The following SASH1 variants were observed in gnomAD, a reference collection of about 807,000 sequenced individuals.
SASH1 encodes SAM and SH3 domain-containing protein 1.
A neutral mutation model predicts 125.2 loss-of-function variants in SASH1; 44 were observed. The ratio of observed to expected loss-of-function variants is 0.35; its 90% CI spans 0.28 to 0.45. The LOEUF (loss-of-function observed/expected upper bound fraction) is 0.45, where lower values mean the gene tolerates loss of function less well. SASH1 is among the 20% of genes least tolerant of loss of function. The pLI is 1.00. For synonymous variants in SASH1, 639 were observed against 649.1 expected (o/e 0.98, Z 0.24); for missense variants, 1,426 against 1,614.5 (o/e 0.88, Z 2.00).
At chr6:148,207,070 C>G in the SASH1 span, among the ~76,000 whole-genome samples, 1 of 152,142 alleles carries the variant, frequency 6.6e-6, no homozygotes, top group Admixed American at 6.6e-5. Context: ...GCCAACCAGA[C>G]CTTCCCAACC....
intron 1 of SASH1, among the ~76,000 whole-genome samples, chr6:148,361,003 A>G (rs1338445685): frequency 6.6e-6 from 1 of 152,218 alleles, no homozygotes; most frequent in Non-Finnish European, 1.5e-5. Context: ...ACTGGGACAC[A>G]GACACAGATG....
At chr6:148,236,974 C>T in the SASH1 span, among the ~76,000 whole-genome samples, 1 of 152,192 alleles carries the variant, frequency 6.6e-6, no homozygotes, top group Non-Finnish European at 1.5e-5. Flanking sequence ...GGCCCTTCCA[C>T]CATGCTATGA....
intron 1 of SASH1, among the ~76,000 whole-genome samples, chr6:148,296,917 T>C (rs562061247): frequency 6.6e-6 from 1 of 152,378 alleles, no homozygotes; most frequent in Admixed American, 6.5e-5. Context: ...GCACACATTT[T>C]CATGCTTGTG....
At chr6:148,409,922 G>C (rs888415025) in intron 2 of SASH1, among the ~76,000 whole-genome samples, 1 of 151,806 alleles carries the variant, frequency 6.6e-6, no homozygotes. Context: ...CTGGGCAACA[G>C]AGCAAGACTC....
At chr6:148,381,617 C>CTTTTTTTTTTTTTTTTTTTT (rs201145545) in intron 1 of SASH1, among the ~76,000 whole-genome samples, 2 of 77,894 alleles carry the variant, frequency 2.6e-5, no homozygotes, top group African/African-American at 5.2e-5. Flanking sequence ...TTCTTGCTTT[C>CTTTTTTTTTTTTTTTTTTTT]TTTTTTTTTT....
intron 2 of SASH1, among the ~76,000 whole-genome samples, chr6:148,437,431 A>G (rs570706698): frequency 3.3e-5 from 5 of 152,374 alleles, no homozygotes; most frequent in Admixed American, 1.3e-4. Flanking sequence ...AAATATCACT[A>G]TACAAGATCT....
intron 2 of SASH1, among the ~76,000 whole-genome samples, chr6:148,421,015 C>T (rs1338070448): frequency 3.3e-5 from 5 of 151,266 alleles, no homozygotes; most frequent in African/African-American, 4.9e-5. Context: ...ACCTGGGAGG[C>T]GGAGGTTGTG....
intron 7 of SASH1, chr6:148,480,419 C>T (rs567920997): frequency 6.6e-6 from 1 of 151,838 alleles, no homozygotes; most frequent in East Asian, 1.9e-4. Flanking sequence ...TTGAGAATGG[C>T]TAAACTGCCT....
chr6:148,204,517 C>T, the SASH1 span, among the ~76,000 whole-genome samples: 1 of 152,024 alleles, frequency 6.6e-6, no homozygotes, highest in Non-Finnish European at 1.5e-5. Context: ...TGTAGTGAAA[C>T]CCCATTTCTA....
intron 1 of SASH1, 133 bp from the exon 2 acceptor site, chr6:148,390,001 A>G: frequency 9.7e-7 from 1 of 1,035,670 alleles, no homozygotes; most frequent in Non-Finnish European, 1.4e-6. Context: ...CATGTAAAAC[A>G]ACCTGGCACT....
chr6:148,385,620 G>A (rs533949384), intron 1 of SASH1, among the ~76,000 whole-genome samples: 8 of 152,288 alleles, frequency 5.3e-5, no homozygotes, highest in African/African-American at 1.7e-4. Flanking sequence ...AACCTCTGGG[G>A]AGGGGAGAGG....
At chr6:148,227,321 A>G in the SASH1 span, among the ~76,000 whole-genome samples, 3 of 152,304 alleles carry the variant, frequency 2.0e-5, no homozygotes, top group East Asian at 5.8e-4. Context: ...AGAACAGTTT[A>G]ATCAGCATAT....
intron 4 of SASH1, among the ~76,000 whole-genome samples, chr6:148,444,574 T>A (rs985654926): frequency 6.6e-6 from 1 of 152,224 alleles, no homozygotes; most frequent in Non-Finnish European, 1.5e-5. Context: ...CCATTCATCC[T>A]TATTTTCTTA....
intron 2 of SASH1, 64 bp from the exon 3 acceptor site, chr6:148,440,120 A>G: frequency 6.7e-7 from 1 of 1,483,076 alleles, no homozygotes; most frequent in East Asian, 2.3e-5. Flanking sequence ...TTACATGTCT[A>G]TTTGTCTTTC....
At chr6:148,212,253 CTG>C in the SASH1 span, among the ~76,000 whole-genome samples, 1 of 152,150 alleles carries the variant, frequency 6.6e-6, no homozygotes, top group African/African-American at 2.4e-5. Context: ...AAGCAGGACA[CTG>C]TGCAAAATGA....
intron 8 of SASH1, among the ~76,000 whole-genome samples, chr6:148,496,572 T>C (rs1267015013): frequency 6.6e-6 from 1 of 152,248 alleles, no homozygotes; most frequent in East Asian, 1.9e-4. Flanking sequence ...TTTTCAAAAA[T>C]CTTTCTACAT....
chr6:148,390,638 A>AG (rs1783666180), intron 2 of SASH1, among the ~76,000 whole-genome samples: 1 of 151,984 alleles, frequency 6.6e-6, no homozygotes, highest in Admixed American at 6.6e-5. Context: ...TAGAAAAAAA[A>AG]TTAGCCGGGC....
chr6:148,429,843 A>G (rs760078392), intron 2 of SASH1, among the ~76,000 whole-genome samples: 3 of 152,194 alleles, frequency 2.0e-5, no homozygotes, highest in Non-Finnish European at 4.4e-5. Flanking sequence ...AGAAAGTAAC[A>G]TTCTCAAGGG....
At chr6:148,469,593 C>T (rs912362016) in intron 5 of SASH1, among the ~76,000 whole-genome samples, 2 of 152,062 alleles carry the variant, frequency 1.3e-5, no homozygotes, top group Non-Finnish European at 2.9e-5. Flanking sequence ...ATTAGGTGGG[C>T]ATAGCACCAT....
Sources: gnomAD v4.1 joint callset for allele counts (sites outside exome capture counted in the v4.1 genomes callset) on GRCh38, gnomAD v4.1.1 for gene constraint, MANE v1.5 for transcripts, NCBI Gene and HGNC (gene_info 2026-07-23, HGNC 2026-07-21) for gene names.